GANC: variants seen among roughly 807,000 people sequenced by gnomAD.
The protein encoded by GANC is neutral alpha-glucosidase C.
Under a neutral mutation model 124.2 loss-of-function variants are expected in GANC, and 117 were observed. The observed-to-expected ratio is 0.94, with a 90% CI of 0.81 to 1.10. The LOEUF (loss-of-function observed/expected upper bound fraction) is 1.10. Ranked by LOEUF, GANC falls within the 50% of genes least tolerant of loss-of-function variation. The pLI is 0.00. For missense variants in GANC, 1,140 were observed against 1,095.0 expected (o/e 1.04, Z -0.58); for synonymous variants, 377 against 376.8 (o/e 1.00, Z -0.01).
At chr15:42,329,546 A>G (rs2052225294) in intron 14 of GANC, 97 bp downstream of exon 14, 1 of 1,296,814 alleles carries the variant, frequency 7.7e-7, no homozygotes, top group Non-Finnish European at 1.0e-6. Flanking sequence ...TCTACTGTTC[A>G]TTTCTCTTTG....
At chr15:42,320,216 G>A (rs2052144805) in intron 10 of GANC, among the ~76,000 whole-genome samples, 1 of 149,626 alleles carries the variant, frequency 6.7e-6, no homozygotes, top group African/African-American at 2.5e-5. Flanking sequence ...TTAAAAAAAA[G>A]TTTCAGATTT....
intron 3 of GANC, 122 bp from the exon 4 acceptor site, chr15:42,287,569 G>T (rs2141022725): frequency 3.2e-6 from 3 of 948,280 alleles, no homozygotes; most frequent in Non-Finnish European, 3.1e-6. Context: ...AATTGCCATT[G>T]TTCTCCAATT....
intron 5 of GANC, among the ~76,000 whole-genome samples, chr15:42,294,386 C>G (rs1019761084): frequency 6.6e-6 from 1 of 150,780 alleles, no homozygotes; most frequent in African/African-American, 2.5e-5. Context: ...CCAGCCTGGC[C>G]AACATGGTGA....
At chr15:42,340,321 T>A (rs557549630) in intron 17 of GANC, among the ~76,000 whole-genome samples, 6 of 152,112 alleles carry the variant, frequency 3.9e-5, no homozygotes, top group Non-Finnish European at 8.8e-5. Context: ...CTTTGAATAG[T>A]TATAAAACTG....
intron 3 of GANC, chr15:42,283,978 A>G (rs760161424): frequency 2.8e-6 from 2 of 702,568 alleles, no homozygotes; most frequent in South Asian, 3.0e-5. Flanking sequence ...TAGAAGGGAC[A>G]ATTAGTGTCC....
At chr15:42,297,712 G>A (rs1404511574) in intron 6 of GANC, 56 bp downstream of exon 6, 2 of 1,252,118 alleles carry the variant, frequency 1.6e-6, no homozygotes, top group Non-Finnish European at 2.3e-6. Context: ...ATCATGATAG[G>A]GCATATAAGG....
chr15:42,330,440 A>G, intron 14 of GANC, 136 bp from the exon 15 acceptor site: 1 of 600,704 alleles, frequency 1.7e-6, no homozygotes, highest in East Asian at 3.2e-5. Flanking sequence ...CATGAAAATT[A>G]TTTGATGGAT....
intron 5 of GANC, among the ~76,000 whole-genome samples, chr15:42,296,211 C>G (rs1290480452): frequency 1.3e-5 from 2 of 151,524 alleles, no homozygotes; most frequent in African/African-American, 4.8e-5. Context: ...GTGTAATATC[C>G]CTTTTTATCC....
At position 42,352,802 on chromosome 15, in the gene GANC, C is replaced by A; in HGVS notation, c.*663C>A. The A allele has an allele frequency of 1.3e-6, 1 of 794,958 alleles. No homozygotes were observed. The highest frequency in any genetic ancestry group is 1.5e-6 in the Non-Finnish European group (1 of 656,356). 49.2% of individuals were successfully genotyped at this position (794,958 alleles called of 1,614,324 possible). A position where few individuals can be genotyped will look rare whatever the true frequency, so the allele number is the denominator to read the frequency against. On this transcript the variant is annotated 3_prime_UTR_variant, in exon 24 of 24. Transcript: ENST00000318010. The stretch of plus-strand genomic sequence containing the variant: ...TTTTTAATTAAGTGCTGTTTACTAA[C>A]CAAATAATATTTATAACATGAGTAA...
Position 42,273,504 on chromosome 15 carries a change from G to C in GANC, c.-978G>C. 4.6e-6 allele frequency: 7 copies of C among 1,526,718 alleles called. No individual in the cohort carries two copies. Among genetic ancestry groups the C allele is most frequent in the South Asian group, 1.2e-5 (1 of 81,230 alleles). The allele number at this position is 1,526,718 out of a possible 1,614,324, so 94.6% of individuals were successfully genotyped here. A position where few individuals can be genotyped will look rare whatever the true frequency, so the allele number is the denominator to read the frequency against. On this transcript the variant is annotated 5_prime_UTR_variant, in exon 1 of 24. Coordinates refer to ENST00000318010, the MANE Select transcript of GANC (RefSeq NM_198141.3). Reference sequence around the variant, plus strand: ...GCGGGATTATCCGGGTCCTGGAAACGTCGCGGAGCTTGTTTGCTGTGCGGC... The same window carrying C: ...GCGGGATTATCCGGGTCCTGGAAACCTCGCGGAGCTTGTTTGCTGTGCGGC...
intron 10 of GANC, chr15:42,314,826 CT>C (rs879652507): frequency 6.6e-6 from 1 of 152,152 alleles, no homozygotes; most frequent in Non-Finnish European, 1.5e-5. Context: ...ATATTGTGGC[CT>C]TACTTACACT....
At chr15:42,327,827 AT>A (rs368547341) in intron 13 of GANC, among the ~76,000 whole-genome samples, 89 of 152,350 alleles carry the variant, frequency 5.8e-4, no homozygotes, top group African/African-American at 2.1e-3. Flanking sequence ...GTGAAGTATG[AT>A]TTTTAAATAA....
chr15:42,317,310 G>A (rs1277823513), intron 10 of GANC, among the ~76,000 whole-genome samples: 3 of 143,162 alleles, frequency 2.1e-5, no homozygotes, highest in Non-Finnish European at 3.1e-5. Context: ...AATAAGACAC[G>A]AAAGGACAAG....
intron 3 of GANC, among the ~76,000 whole-genome samples, chr15:42,282,123 C>T (rs940556232): frequency 6.6e-6 from 1 of 152,142 alleles, no homozygotes; most frequent in Non-Finnish European, 1.5e-5. Flanking sequence ...GAGTTCAAGA[C>T]CAGCCTGACC....
chr15:42,293,556 T>C (rs1048201983), intron 5 of GANC, among the ~76,000 whole-genome samples: 1 of 151,830 alleles, frequency 6.6e-6, no homozygotes, highest in Non-Finnish European at 1.5e-5. Flanking sequence ...ACTAAAAATA[T>C]CTCATTTTCT....
At chr15:42,298,564 T>C (rs1265618292) in intron 6 of GANC, among the ~76,000 whole-genome samples, 1 of 152,214 alleles carries the variant, frequency 6.6e-6, no homozygotes, top group Non-Finnish European at 1.5e-5. Context: ...CATGGTCTTA[T>C]TTCTATTTTT....
intron 11 of GANC, among the ~76,000 whole-genome samples, chr15:42,324,996 G>A (rs527558181): frequency 1.3e-5 from 2 of 152,126 alleles, no homozygotes; most frequent in South Asian, 2.1e-4. Flanking sequence ...GGGTGCGGTG[G>A]CTCACACCTG....
intron 5 of GANC, among the ~76,000 whole-genome samples, chr15:42,295,950 T>C (rs962082272): frequency 3.3e-5 from 5 of 152,098 alleles, no homozygotes; most frequent in Admixed American, 6.6e-5. Context: ...GAGACCAGCC[T>C]GGCCAACATG....
chr15:42,322,918 C>G (rs1186511617), intron 11 of GANC, among the ~76,000 whole-genome samples: 2 of 152,000 alleles, frequency 1.3e-5, no homozygotes, highest in African/African-American at 4.8e-5. Context: ...GAATAAAGTC[C>G]CTCTCCTTGA....
Sources: allele counts gnomAD v4.1 joint callset (sites outside exome capture counted in the v4.1 genomes callset), GRCh38; gene constraint gnomAD v4.1.1; transcripts MANE v1.5; gene names NCBI Gene and HGNC (gene_info 2026-07-23, HGNC 2026-07-21).